The following LBH variants were observed in gnomAD, a reference collection of about 807,000 sequenced individuals.
LBH encodes the protein LBH regulator of Wnt signaling pathway, also known as protein LBH.
In LBH, 7 loss-of-function variants were observed where a neutral mutation model predicts 12.5. The ratio of observed to expected loss-of-function variants is 0.56; its 90% CI spans 0.32 to 1.05. The LOEUF is 1.05. Ranked by LOEUF, LBH falls within the 50% of genes least tolerant of loss-of-function variation. The pLI is 0.04. For synonymous variants in LBH, 51 were observed against 50.1 expected (o/e 1.02, Z -0.08); for missense variants, 119 against 138.9 (o/e 0.86, Z 0.72).
chr2:30,256,352 C>G (rs1391277208), intron 2 of LBH, among the ~76,000 whole-genome samples: 1 of 150,418 alleles, frequency 6.6e-6, no homozygotes, highest in Non-Finnish European at 1.5e-5. Flanking sequence ...AGGAACTGTT[C>G]ACAGGTGAAA....
intron 2 of LBH, among the ~76,000 whole-genome samples, chr2:30,245,565 C>T (rs1338950123): frequency 2.0e-5 from 3 of 152,134 alleles, no homozygotes; most frequent in African/African-American, 7.2e-5. Flanking sequence ...CATCGGGTTA[C>T]CTAGATATTC....
At chr2:30,242,280 G>A (rs900621286) in intron 2 of LBH, among the ~76,000 whole-genome samples, 3 of 151,544 alleles carry the variant, frequency 2.0e-5, no homozygotes, top group Admixed American at 1.3e-4. Flanking sequence ...GTCTCACTCT[G>A]TGGCCCAGGC....
At chr2:30,244,949 G>A (rs952210305) in intron 2 of LBH, among the ~76,000 whole-genome samples, 2 of 152,054 alleles carry the variant, frequency 1.3e-5, no homozygotes, top group African/African-American at 4.8e-5. Context: ...TTACCTTTGT[G>A]TTTAATAATT....
At chr2:30,249,490 C>T (rs1677935542) in intron 2 of LBH, among the ~76,000 whole-genome samples, 1 of 152,086 alleles carries the variant, frequency 6.6e-6, no homozygotes, top group African/African-American at 2.4e-5. Context: ...GGGGCAGGCC[C>T]CTGGAGTAAG....
chr2:30,254,468 G>A (rs1297286411), intron 2 of LBH, among the ~76,000 whole-genome samples: 3 of 152,140 alleles, frequency 2.0e-5, no homozygotes, highest in Non-Finnish European at 4.4e-5. Context: ...TTGAGATTCT[G>A]CTCAGGAAAA....
At chr2:30,255,425 C>G (rs1395460266) in intron 2 of LBH, among the ~76,000 whole-genome samples, 1 of 152,240 alleles carries the variant, frequency 6.6e-6, no homozygotes, top group Non-Finnish European at 1.5e-5. Flanking sequence ...CCCACACTGG[C>G]CCATCCCCTC....
rs570439558 is a variant in LBH, at chr2:30,237,366, G to A, written c.129+2859G>A. Among the ~76,000 whole-genome samples, 762 of 152,300 alleles carry A rather than the reference G, an allele frequency of 5.0e-3. 7 individuals carry two copies. Among genetic ancestry groups the A allele is most frequent in the African/African-American group, 0.017 (720 of 41,546 alleles). Reference sequence around the variant, plus strand: ...GATCTATCGAGAGTGAAGCTTTCCTGATTTCTCTGTACCAGCTGTGACGTT... The same window carrying A: ...GATCTATCGAGAGTGAAGCTTTCCTAATTTCTCTGTACCAGCTGTGACGTT... On this transcript the variant is annotated intron_variant, in intron 2 of 2. Transcript: ENST00000395323.
At chr2:30,234,548 G>A (rs748673359) in intron 2 of LBH, 41 bp downstream of exon 2, 3 of 1,497,230 alleles carry the variant, frequency 2.0e-6, no homozygotes, top group East Asian at 2.3e-5. Context: ...CTAGAGCCTA[G>A]TGGTTTTTGC....
chr2:30,245,063 T>C (rs1362625253), intron 2 of LBH, among the ~76,000 whole-genome samples: 1 of 152,208 alleles, frequency 6.6e-6, no homozygotes, highest in Admixed American at 6.5e-5. Flanking sequence ...TTTTAAAATA[T>C]CATTTTGTAT....
chr2:30,235,515 G>A lies in LBH; in HGVS notation c.129+1008G>A, dbSNP rs1280181007. On this transcript the variant is annotated intron_variant, in intron 2 of 2. Transcript: ENST00000395323. ...GCTCCCAGGCGGGGATCCTCACCCT[G>A]TTCACAGATGAGGAAATGGCTCAGC... is the stretch of plus-strand genomic sequence containing the variant. Among the ~76,000 whole-genome samples, 4 of 152,218 alleles carry A rather than the reference G, an allele frequency of 2.6e-5. No individual in the cohort carries two copies. The East Asian group carries it at 7.7e-4, about 29-fold the overall frequency.
intron 2 of LBH, among the ~76,000 whole-genome samples, chr2:30,257,025 G>A (rs968114321): frequency 6.6e-6 from 1 of 152,214 alleles, no homozygotes; most frequent in South Asian, 2.1e-4. Context: ...ATTCCGGGAG[G>A]TACTTAATGC....
At chr2:30,237,149 C>A (rs1260254443) in intron 2 of LBH, among the ~76,000 whole-genome samples, 2 of 152,284 alleles carry the variant, frequency 1.3e-5, no homozygotes, top group East Asian at 1.9e-4. Context: ...CTGTTCTTGG[C>A]ATTCCTCCTA....
At chr2:30,231,843 CG>C in intron 1 of LBH, 79 bp downstream of exon 1, 3 of 1,348,874 alleles carry the variant, frequency 2.2e-6, no homozygotes, top group Non-Finnish European at 2.9e-6. Flanking sequence ...GTGCCGGCTC[CG>C]GGTGCGAGGG....
chr2:30,255,411 G>A (rs1457891847), intron 2 of LBH, among the ~76,000 whole-genome samples: 1 of 152,232 alleles, frequency 6.6e-6, no homozygotes, highest in Non-Finnish European at 1.5e-5. Flanking sequence ...CTCTGCCTCC[G>A]TGACCCACAC....
chr2:30,231,635 A>G lies in LBH; in HGVS notation c.-104A>G. On this transcript the variant is annotated 5_prime_UTR_variant, in exon 1 of 3. Transcript: ENST00000395323. ...CGGACGGCGAGCGCCCGGTGTCCGC[A>G]CTCGGCCGCCTGCCGTGCCCGTCTG... 1 of 1,188,004 alleles carries G rather than the reference A, an allele frequency of 8.4e-7. No homozygotes were observed. Among genetic ancestry groups the G allele is most frequent in the East Asian group, 2.6e-5 (1 of 38,972 alleles). The allele number at this position is 1,188,004 out of a possible 1,614,324, so 73.6% of individuals were successfully genotyped here.
At chr2:30,245,541 C>T (rs973342417) in intron 2 of LBH, among the ~76,000 whole-genome samples, 5 of 152,116 alleles carry the variant, frequency 3.3e-5, no homozygotes, top group African/African-American at 1.2e-4. Flanking sequence ...GGAATGTCCT[C>T]TACAGTAGCC....
At chr2:30,254,851 C>A (rs572100744) in intron 2 of LBH, among the ~76,000 whole-genome samples, 169 of 152,324 alleles carry the variant, frequency 1.1e-3, no homozygotes, top group African/African-American at 3.9e-3. Context: ...TGTCTTGGAT[C>A]CTGAAGGTTT....
intron 2 of LBH, among the ~76,000 whole-genome samples, chr2:30,237,283 A>G (rs936311242): frequency 1.3e-5 from 2 of 152,210 alleles, no homozygotes; most frequent in African/African-American, 2.4e-5. Context: ...TTGACCTTGA[A>G]AGAAAGTCAT....
intron 2 of LBH, among the ~76,000 whole-genome samples, chr2:30,237,602 C>T (rs1677711885): frequency 6.6e-6 from 1 of 152,176 alleles, no homozygotes; most frequent in African/African-American, 2.4e-5. Flanking sequence ...AGCTGGTCAC[C>T]TTCTCTTCTG....
Sources: gnomAD v4.1 joint callset for allele counts (sites outside exome capture counted in the v4.1 genomes callset) on GRCh38, gnomAD v4.1.1 for gene constraint, MANE v1.5 for transcripts, NCBI Gene and HGNC (gene_info 2026-07-23, HGNC 2026-07-21) for gene names.